CENPP: variants seen among roughly 807,000 people sequenced by gnomAD.
CENPP encodes centromere protein P.
Under a neutral mutation model 35.6 loss-of-function variants are expected in CENPP, and 24 were observed. The ratio of observed to expected loss-of-function variants is 0.67; its 90% CI spans 0.49 to 0.95. CENPP has a LOEUF of 0.95. CENPP is among the 40% of genes least tolerant of loss of function. CENPP has a pLI of 0.00. For synonymous variants in CENPP, 120 were observed against 125.5 expected, an observed-to-expected ratio of 0.96 and a Z score of 0.29; for missense variants, 332 against 345.3, an observed-to-expected ratio of 0.96 and a Z score of 0.31.
intron 5 of CENPP, among the ~76,000 whole-genome samples, chr9:92,477,962 C>T (rs1845771138): frequency 6.6e-6 from 1 of 152,130 alleles, no homozygotes; most frequent in Non-Finnish European, 1.5e-5. Flanking sequence ...AAATTCTTCA[C>T]CGTGTCTGTC....
rs1851565757 is a variant in CENPP, at chr9:92,619,732, G to A, written c.*6583G>A. ...AGCACGGGCGTCAGGAGGTCGCCCT[G>A]TGAGAGCACCTGGGCCAGCCCTCAG... On this transcript the variant is annotated 3_prime_UTR_variant, in exon 8 of 8. Transcript: ENST00000375587. The A allele has an allele frequency of 1.1e-5, 7 of 645,188 alleles. No individual in the cohort carries two copies. The South Asian group carries it at 1.2e-4, about 11-fold the overall frequency. 40.0% of individuals were successfully genotyped at this position (645,188 alleles called of 1,614,324 possible). A position where few individuals can be genotyped will look rare whatever the true frequency, so the allele number is the denominator to read the frequency against.
rs373134873 is a variant in CENPP at position 92,454,418 on chromosome 9, T to C, written c.564+74559T>C. Among the ~76,000 whole-genome samples, 132 of 152,336 alleles carry C rather than the reference T, an allele frequency of 8.7e-4. 1 individual carries two copies. The highest frequency in any genetic ancestry group is 6.8e-3 in the Middle Eastern group (2 of 294). On this transcript the variant is annotated intron_variant, in intron 5 of 7. Transcript: ENST00000375587. Reference sequence around the variant, plus strand: ...TATTCTAACCTTAGTATTTACCTTATGATTTTAATGATGAATTTCAAGATG... The same window carrying C: ...TATTCTAACCTTAGTATTTACCTTACGATTTTAATGATGAATTTCAAGATG...
chr9:92,381,875 C>T (rs1564287331), intron 5 of CENPP, among the ~76,000 whole-genome samples: 1 of 148,100 alleles, frequency 6.8e-6, no homozygotes, highest in Non-Finnish European at 1.5e-5. Context: ...TCTACAACTA[C>T]TTTAATACTT....
intron 5 of CENPP, among the ~76,000 whole-genome samples, chr9:92,383,180 G>A (rs1278864879): frequency 6.6e-6 from 1 of 152,160 alleles, no homozygotes; most frequent in African/African-American, 2.4e-5. Flanking sequence ...TTACAGGTGT[G>A]AGCCATTGCG....
At chr9:92,465,317 A>G (rs144190760) in intron 5 of CENPP, among the ~76,000 whole-genome samples, 8 of 152,340 alleles carry the variant, frequency 5.3e-5, no homozygotes, top group Non-Finnish European at 7.3e-5. Flanking sequence ...CATGAGCACA[A>G]TTAAGGTTTT....
At chr9:92,565,284 C>CTGAT (rs1849937894) in intron 5 of CENPP, among the ~76,000 whole-genome samples, 1 of 90,896 alleles carries the variant, frequency 1.1e-5, no homozygotes, top group Non-Finnish European at 1.9e-5. Context: ...ACTATGATAG[C>CTGAT]TGATGAGCTA....
intron 5 of CENPP, among the ~76,000 whole-genome samples, chr9:92,413,842 C>T (rs1843511321): frequency 6.6e-6 from 1 of 152,134 alleles, no homozygotes; most frequent in Non-Finnish European, 1.5e-5. Flanking sequence ...TCTGATAATG[C>T]TAATAATTCC....
chr9:92,570,654 T>A (rs947165018), intron 5 of CENPP, among the ~76,000 whole-genome samples: 5 of 152,358 alleles, frequency 3.3e-5, no homozygotes, highest in Middle Eastern at 6.8e-3. Context: ...GAAGGAATGG[T>A]ACCAGCTCCT....
chr9:92,392,331 A>G (rs900013924), intron 5 of CENPP, among the ~76,000 whole-genome samples: 1 of 152,204 alleles, frequency 6.6e-6, no homozygotes, highest in Non-Finnish European at 1.5e-5. Context: ...AGTATTTAAA[A>G]AATACTTCCC....
At chr9:92,446,097 C>T (rs1844545673) in intron 5 of CENPP, among the ~76,000 whole-genome samples, 1 of 152,032 alleles carries the variant, frequency 6.6e-6, no homozygotes, top group Admixed American at 6.6e-5. Context: ...AAAAACTCTC[C>T]ATCACTGGAA....
intron 4 of CENPP, among the ~76,000 whole-genome samples, chr9:92,356,254 A>G (rs1479191400): frequency 6.6e-6 from 1 of 152,234 alleles, no homozygotes; most frequent in East Asian, 1.9e-4. Flanking sequence ...AAAGGCAGCC[A>G]CTATTCAATT....
chr9:92,567,373 GATATATAT>G, intron 5 of CENPP, among the ~76,000 whole-genome samples: 1 of 129,090 alleles, frequency 7.7e-6, no homozygotes, highest in South Asian at 2.8e-4. Context: ...ACATAAGATA[GATATATAT>G]ATATATATAT....
intron 5 of CENPP, chr9:92,505,469 T>C: frequency 7.5e-7 from 1 of 1,331,290 alleles, no homozygotes; most frequent in East Asian, 2.4e-5. Flanking sequence ...TAAAATATAT[T>C]TTGTTGTAGT....
chr9:92,510,148 C>CA lies in CENPP; in HGVS notation c.565-101165dup. The stretch of plus-strand genomic sequence containing the variant: ...AAACCTATCCTTCCTTAGGCTTAGA[C>CA]AGTAATGTCCAGGCCACACAGCAAA... On this transcript the variant is annotated intron_variant, in intron 5 of 7. Transcript: ENST00000375587. 3.4e-6 allele frequency: 4 copies of CA among 1,190,028 alleles called. No homozygotes were observed. In the South Asian group the frequency reaches 6.8e-5, roughly 20 times the overall value. 73.7% of individuals were successfully genotyped at this position (1,190,028 alleles called of 1,614,324 possible).
intron 3 of CENPP, among the ~76,000 whole-genome samples, chr9:92,337,854 T>G (rs1272323303): frequency 6.6e-6 from 1 of 152,238 alleles, no homozygotes. Context: ...GGTGCTTTAT[T>G]GAAGGACAGG....
At chr9:92,545,210 G>T (rs535236520) in intron 5 of CENPP, among the ~76,000 whole-genome samples, 59 of 152,138 alleles carry the variant, frequency 3.9e-4, no homozygotes, top group African/African-American at 1.4e-3. Context: ...GCCGAGGCCG[G>T]AGCCGGCTCG....
intron 5 of CENPP, among the ~76,000 whole-genome samples, chr9:92,434,010 A>G (rs899233211): frequency 6.6e-6 from 1 of 152,202 alleles, no homozygotes; most frequent in African/African-American, 2.4e-5. Context: ...ACCTTCCTTT[A>G]AATATCATTC....
At chr9:92,468,998 C>T (rs75801664) in intron 5 of CENPP, among the ~76,000 whole-genome samples, 1 of 152,158 alleles carries the variant, frequency 6.6e-6, no homozygotes, top group East Asian at 1.9e-4. Flanking sequence ...TTAAATATGC[C>T]ATTAGTTATT....
intron 5 of CENPP, chr9:92,535,874 C>A: frequency 2.3e-5 from 9 of 397,608 alleles, no homozygotes; most frequent in South Asian, 7.9e-5. Flanking sequence ...AATAAAATAC[C>A]CAAATATTAA....
Sources: allele counts gnomAD v4.1 joint callset (sites outside exome capture counted in the v4.1 genomes callset), GRCh38; gene constraint gnomAD v4.1.1; transcripts MANE v1.5; gene names NCBI Gene and HGNC (gene_info 2026-07-23, HGNC 2026-07-21).